The following TMEM164 variants were observed in gnomAD, a reference collection of about 807,000 sequenced individuals.
The protein encoded by TMEM164 is transmembrane protein 164, also known as RP13-360B22.2.
Under a neutral mutation model 18.8 loss-of-function variants are expected in TMEM164, and 4 were observed. The ratio of observed to expected loss-of-function variants is 0.21; its 90% CI spans 0.10 to 0.49. The LOEUF (loss-of-function observed/expected upper bound fraction) is 0.49. Among genes scored for constraint, TMEM164 ranks in the 20% least tolerant of loss-of-function variants. The pLI is 0.98. For missense variants in TMEM164, 108 were observed against 239.9 expected (o/e 0.45, Z 3.63); for synonymous variants, 86 against 101.7 (o/e 0.85, Z 0.93).
intron 5 of TMEM164, among the ~76,000 whole-genome samples, chrX:110,160,593 T>A (rs1168596088): frequency 8.9e-6 from 1 of 112,183 alleles, no homozygotes; most frequent in East Asian, 2.8e-4. Context: ...CTCCCCAGGC[T>A]GCTGGGGTGC....
chrX:110,006,936 A>T (rs1932759426), intron 2 of TMEM164, among the ~76,000 whole-genome samples: 1 of 112,360 alleles, frequency 8.9e-6, no homozygotes, highest in Non-Finnish European at 1.9e-5. Flanking sequence ...TGAAAGGGAT[A>T]GCTTAGCAGA....
chrX:110,035,347 GTCTATA>G (rs1602508370), intron 2 of TMEM164, among the ~76,000 whole-genome samples: 1 of 110,278 alleles, frequency 9.1e-6, no homozygotes, highest in African/African-American at 3.3e-5. Flanking sequence ...ACATGCTTGT[GTCTATA>G]CTGTATATTG....
chrX:110,018,621 C>G (rs141069741), intron 2 of TMEM164, among the ~76,000 whole-genome samples: 1 of 112,127 alleles, frequency 8.9e-6, no homozygotes, highest in East Asian at 2.8e-4. Flanking sequence ...TATTGCTAGA[C>G]CAGTATACCT....
chrX:110,140,234 A>G (rs1003299308), intron 4 of TMEM164, among the ~76,000 whole-genome samples: 3 of 111,335 alleles, frequency 2.7e-5, no homozygotes, highest in African/African-American at 6.5e-5. Context: ...ATGAGATTCA[A>G]ATCAGCAGAG....
chrX:110,181,553 C>T (rs1227719391), downstream of TMEM164, among the ~76,000 whole-genome samples: 1 of 112,902 alleles, frequency 8.9e-6, no homozygotes, highest in African/African-American at 3.2e-5. Flanking sequence ...TACTTATTTA[C>T]AACCTCAGTA....
intron 3 of TMEM164, among the ~76,000 whole-genome samples, chrX:110,087,976 G>A (rs1021454968): frequency 2.7e-5 from 3 of 111,920 alleles, no homozygotes; most frequent in Admixed American, 9.4e-5. Flanking sequence ...ATGGGGGTGG[G>A]CATGAGGAAC....
chrX:110,013,586 T>G (rs919338532), intron 2 of TMEM164, among the ~76,000 whole-genome samples: 2 of 112,098 alleles, frequency 1.8e-5, no homozygotes, highest in Non-Finnish European at 3.8e-5. Context: ...AGGCTTGGAC[T>G]GGGATACAGC....
chrX:110,016,498 T>C (rs1210487669), intron 2 of TMEM164, among the ~76,000 whole-genome samples: 4 of 111,981 alleles, frequency 3.6e-5, no homozygotes, highest in Non-Finnish European at 7.5e-5. Flanking sequence ...CTATAATTTC[T>C]GGTTATCTTT....
At chrX:110,067,154 G>GCGCACACACA (rs34465050) in intron 2 of TMEM164, among the ~76,000 whole-genome samples, 193 bp from the exon 3 acceptor site, 4 of 101,643 alleles carry the variant, frequency 3.9e-5, no homozygotes, top group African/African-American at 1.4e-4. Context: ...TCATGTGTGC[G>GCGCACACACA]CACACACACA....
intron 3 of TMEM164, among the ~76,000 whole-genome samples, chrX:110,099,457 T>C (rs906747950): frequency 4.5e-5 from 5 of 112,085 alleles, no homozygotes; most frequent in African/African-American, 1.6e-4. Context: ...GTTAAGTTTG[T>C]TATTTTACAT....
intron 2 of TMEM164, among the ~76,000 whole-genome samples, chrX:110,040,688 T>C (rs980459072): frequency 8.9e-6 from 1 of 111,838 alleles, no homozygotes; most frequent in African/African-American, 3.2e-5. Context: ...GTCTTTGCCT[T>C]GGTTGAAACC....
intron 4 of TMEM164, among the ~76,000 whole-genome samples, chrX:110,116,385 T>C (rs150061887): frequency 0.015 from 1,632 of 111,789 alleles, 29 homozygotes; most frequent in African/African-American, 0.05. Context: ...GTAAGTGGTC[T>C]GGAAAGGCTT....
At chrX:110,088,407 A>G (rs926916281) in intron 3 of TMEM164, among the ~76,000 whole-genome samples, 9 of 111,973 alleles carry the variant, frequency 8.0e-5, no homozygotes, top group Non-Finnish European at 1.7e-4. Flanking sequence ...TGGACTCATC[A>G]CTGAAAAAGA....
At chrX:110,019,738 C>G (rs969055379) in intron 2 of TMEM164, among the ~76,000 whole-genome samples, 5 of 112,271 alleles carry the variant, frequency 4.5e-5, no homozygotes, top group African/African-American at 1.6e-4. Context: ...TAGGTAGCCA[C>G]TTATCAATCA....
chrX:110,110,608 G>A (rs750647137), intron 4 of TMEM164, among the ~76,000 whole-genome samples: 4 of 112,289 alleles, frequency 3.6e-5, no homozygotes, highest in African/African-American at 9.7e-5. Context: ...ATTCTGAAAC[G>A]TAATGTTCAT....
In TMEM164 at chrX:110,004,101, T is replaced by C; in HGVS notation, c.327T>C (p.Phe109=). 8.3e-7 allele frequency: 1 copy of C among 1,210,035 alleles called. No homozygotes were observed. Among genetic ancestry groups the C allele is most frequent in the Non-Finnish European group, 1.1e-6 (1 of 895,120 alleles). ...TGACCTTCGGGGTGGAGGTGGGCTT[T>C]AAGTTCGCCACCAAGACCGTCATCT... ...LCLTFGVEVG[F]KFATKTVIYL... The change falls in exon 2 of 7, where the codon TTT becomes TTC. Residue 109 remains phenylalanine (F), a synonymous_variant. Coordinates refer to ENST00000372068, the MANE Select transcript of TMEM164 (RefSeq NM_032227.4).
At chrX:110,066,150 G>A (rs1602559475) in intron 2 of TMEM164, among the ~76,000 whole-genome samples, 1 of 111,403 alleles carries the variant, frequency 9.0e-6, no homozygotes, top group South Asian at 3.9e-4. Context: ...TCATGCAGGT[G>A]TCTTTCCTTA....
At chrX:110,129,443 CAGCTGGCTTAGCAAATCTACTTT>C (rs1190338952) in intron 4 of TMEM164, among the ~76,000 whole-genome samples, 3 of 112,717 alleles carry the variant, frequency 2.7e-5, no homozygotes, top group Non-Finnish European at 5.6e-5. Context: ...AGCTCAAGTT[CAGCTGGCTTAGCAAATCTACTTT>C]GGGTGAAAAT....
intron 3 of TMEM164, among the ~76,000 whole-genome samples, chrX:110,084,425 A>AGTATATATATATAT (rs1569321025): frequency 8.6e-5 from 8 of 93,510 alleles, no homozygotes; most frequent in African/African-American, 2.8e-4. Context: ...ATATATATAT[A>AGTATATATATATAT]GTATAGTATA....
Sources: allele counts gnomAD v4.1 joint callset (sites outside exome capture counted in the v4.1 genomes callset), GRCh38; gene constraint gnomAD v4.1.1; transcripts MANE v1.5; gene names NCBI Gene and HGNC (gene_info 2026-07-23, HGNC 2026-07-21).